LAMB4: variants seen among roughly 807,000 people sequenced by gnomAD.
LAMB4 encodes laminin subunit beta-4.
Under a neutral mutation model 199.2 loss-of-function variants are expected in LAMB4, and 196 were observed. That is an observed-to-expected ratio of 0.98 (90% CI 0.88 to 1.11). LAMB4 has a LOEUF of 1.11. LAMB4 is among the 50% of genes least tolerant of loss of function. The pLI is 0.00. For missense variants in LAMB4, 2,080 were observed against 2,171.2 expected (o/e 0.96, Z 0.83); for synonymous variants, 744 against 770.6 (o/e 0.97, Z 0.57).
At chr7:108,012,867 G>A in the LAMB4 span, among the ~76,000 whole-genome samples, 7 of 152,070 alleles carry the variant, frequency 4.6e-5, no homozygotes, top group Non-Finnish European at 8.8e-5. Context: ...CCTTCTATCT[G>A]GAATGCCTTC....
intron 14 of LAMB4, among the ~76,000 whole-genome samples, chr7:108,082,349 AAAG>A (rs925091492): frequency 6.6e-6 from 1 of 151,794 alleles, no homozygotes; most frequent in African/African-American, 2.4e-5. Flanking sequence ...AAAAAAAAAA[AAAG>A]AGTCGCAGAA....
At chr7:108,098,087 C>A (rs1360979190) in intron 11 of LAMB4, among the ~76,000 whole-genome samples, 1 of 152,120 alleles carries the variant, frequency 6.6e-6, no homozygotes, top group Non-Finnish European at 1.5e-5. Flanking sequence ...AGCTTTAAAA[C>A]GCATAGGGGC....
rs779197368 is a variant in LAMB4, at chr7:108,103,027, C to T, written c.1180+17G>A. On this transcript the variant is annotated intron_variant, in intron 10 of 33. Coordinates refer to ENST00000388781, the MANE Select transcript of LAMB4 (RefSeq NM_007356.3). ...GCTCAGACAGTGGGTAGGATCCAGG[C>T]AGACCCGGGGACTCACGAATGCACG... 7.7e-6 allele frequency: 12 copies of T among 1,549,010 alleles called. No homozygotes were observed. The East Asian group carries it at 2.7e-4, about 35-fold the overall frequency.
chr7:108,038,412 T>C (rs1035363703), intron 29 of LAMB4, among the ~76,000 whole-genome samples: 10 of 152,164 alleles, frequency 6.6e-5, no homozygotes, highest in Admixed American at 5.9e-4. Flanking sequence ...CCACCCACCT[T>C]GCCCTCCCAA....
chr7:108,068,926 T>C (rs1584677007), intron 18 of LAMB4, among the ~76,000 whole-genome samples: 1 of 152,164 alleles, frequency 6.6e-6, no homozygotes, highest in Non-Finnish European at 1.5e-5. Context: ...CCTCAAGCAA[T>C]CCACCTGCCT....
intron 17 of LAMB4, among the ~76,000 whole-genome samples, chr7:108,073,129 C>T (rs934927766): frequency 6.6e-6 from 1 of 152,204 alleles, no homozygotes; most frequent in African/African-American, 2.4e-5. Context: ...CTCAGCCTCC[C>T]CAAGTAGCTG....
rs552255603 is a variant in LAMB4 at position 108,058,078 on chromosome 7, C to G, written c.3283-150G>C. ...ATGATTCCCATGTCCAGCAGCCACCCCCGACAATACCAAGGATCAGGAGTT... is the reference window on the plus strand; with the variant it reads ...ATGATTCCCATGTCCAGCAGCCACCGCCGACAATACCAAGGATCAGGAGTT... On this transcript the variant is annotated intron_variant, in intron 23 of 33. Transcript: ENST00000388781. 1.6e-4 allele frequency: 99 copies of G among 632,452 alleles called. 2 individuals carry two copies. Among genetic ancestry groups the G allele is most frequent in the South Asian group, 1.2e-3 (63 of 53,188 alleles). 39.2% of individuals were successfully genotyped at this position (632,452 alleles called of 1,614,324 possible).
At chr7:108,043,663 T>C in intron 29 of LAMB4, 89 bp downstream of exon 29, 1 of 423,006 alleles carries the variant, frequency 2.4e-6, no homozygotes. Flanking sequence ...CACTGCAAGC[T>C]CCGCCTCCTG....
chr7:108,126,554 CT>C (rs71137605), intron 1 of LAMB4, among the ~76,000 whole-genome samples: 1,772 of 83,470 alleles, frequency 0.021, 15 homozygotes, highest in African/African-American at 0.083. Context: ...GAATTTCTTT[CT>C]TTTTTTTTTT....
intron 30 of LAMB4, among the ~76,000 whole-genome samples, chr7:108,035,604 C>CAAAAAAAAAAAAAAAAA (rs34425857): frequency 3.8e-5 from 3 of 79,938 alleles, no homozygotes; most frequent in Non-Finnish European, 7.2e-5. Context: ...TAGAGAGTAC[C>CAAAAAAAAAAAAAAAAA]AAAAAAAAAA....
At chr7:108,125,165 T>C (rs980645325) in intron 1 of LAMB4, among the ~76,000 whole-genome samples, 3 of 152,122 alleles carry the variant, frequency 2.0e-5, no homozygotes, top group Admixed American at 6.6e-5. Flanking sequence ...TGAAGACCTA[T>C]AGGAGAATCC....
chr7:108,116,467 T>A (rs888118172), intron 2 of LAMB4, among the ~76,000 whole-genome samples: 3 of 152,172 alleles, frequency 2.0e-5, no homozygotes, highest in Non-Finnish European at 2.9e-5. Flanking sequence ...CAAAAAGAGA[T>A]ACCGAGAATA....
chr7:108,092,609 G>C (rs2037451158), intron 12 of LAMB4, among the ~76,000 whole-genome samples, 193 bp from the exon 13 acceptor site: 2 of 152,142 alleles, frequency 1.3e-5, no homozygotes, highest in African/African-American at 4.8e-5. Context: ...TCCAGGATTT[G>C]AAGTAAGGGG....
At chr7:108,087,263 A>G (rs1163330458) in intron 14 of LAMB4, among the ~76,000 whole-genome samples, 11 of 152,160 alleles carry the variant, frequency 7.2e-5, no homozygotes, top group Non-Finnish European at 1.5e-4. Context: ...CCTTCCCACT[A>G]CAATGAGGGC....
intron 4 of LAMB4, among the ~76,000 whole-genome samples, chr7:108,110,476 C>A (rs893475223): frequency 6.6e-6 from 1 of 152,200 alleles, no homozygotes; most frequent in East Asian, 1.9e-4. Context: ...ACGAAAGCGG[C>A]TGGACTACAG....
At chr7:108,052,427 T>C (rs1345348013) in intron 25 of LAMB4, among the ~76,000 whole-genome samples, 170 bp from the exon 26 acceptor site, 1 of 152,208 alleles carries the variant, frequency 6.6e-6, no homozygotes, top group East Asian at 1.9e-4. Context: ...GTCTCATCTC[T>C]TTCATCTTAA....
intron 2 of LAMB4, among the ~76,000 whole-genome samples, chr7:108,119,594 G>T (rs2150690704): frequency 6.6e-6 from 1 of 152,306 alleles, no homozygotes; most frequent in South Asian, 2.1e-4. Flanking sequence ...ATTAGTGGTT[G>T]TCAGTGGTTA....
the LAMB4 span, among the ~76,000 whole-genome samples, chr7:108,013,054 C>G: frequency 6.6e-6 from 1 of 152,242 alleles, no homozygotes; most frequent in Non-Finnish European, 1.5e-5. Context: ...CACCCCACCT[C>G]TCACACTCAG....
chr7:108,039,136 G>A (rs1375166237), intron 29 of LAMB4, among the ~76,000 whole-genome samples: 1 of 152,116 alleles, frequency 6.6e-6, no homozygotes, highest in Non-Finnish European at 1.5e-5. Flanking sequence ...GGTGGTACAA[G>A]AAACAGTGCA....
Sources: gnomAD v4.1 joint callset for allele counts (sites outside exome capture counted in the v4.1 genomes callset) on GRCh38, gnomAD v4.1.1 for gene constraint, MANE v1.5 for transcripts, NCBI Gene and HGNC (gene_info 2026-07-23, HGNC 2026-07-21) for gene names.